The following SEPTIN7 variants were observed in gnomAD, a reference collection of about 807,000 sequenced individuals.
SEPTIN7 encodes the protein septin-7.
A neutral mutation model predicts 63.3 loss-of-function variants in SEPTIN7; 10 were observed. That is an observed-to-expected ratio of 0.16 (90% CI 0.10 to 0.27). The LOEUF (loss-of-function observed/expected upper bound fraction) is 0.27, where lower values mean the gene tolerates loss of function less well. Among genes scored for constraint, SEPTIN7 ranks in the 10% least tolerant of loss-of-function variants. SEPTIN7 has a pLI of 1.00. For synonymous variants in SEPTIN7, 131 were observed against 165.3 expected, an observed-to-expected ratio of 0.79 and a Z score of 1.59; for missense variants, 310 against 521.0, an observed-to-expected ratio of 0.59 and a Z score of 3.94.
chr7:35,831,708 G>C (rs1783842367), intron 2 of SEPTIN7: 1 of 231,384 alleles, frequency 4.3e-6, no homozygotes, highest in African/African-American at 2.4e-5. Flanking sequence ...TCATTTTAAT[G>C]GGCTTCGTTT....
At chr7:35,867,287 A>G (rs908245974) in intron 4 of SEPTIN7, among the ~76,000 whole-genome samples, 11 of 152,270 alleles carry the variant, frequency 7.2e-5, no homozygotes, top group African/African-American at 2.4e-4. Context: ...ATTGCTTACA[A>G]TGTTGTATGT....
chr7:35,818,609 T>A (rs1789230588), intron 1 of SEPTIN7, among the ~76,000 whole-genome samples: 1 of 152,016 alleles, frequency 6.6e-6, no homozygotes, highest in Non-Finnish European at 1.5e-5. Flanking sequence ...TGTTTTTGCC[T>A]TTTTGGGGTG....
At chr7:35,851,971 A>AC (rs972739340) in intron 3 of SEPTIN7, among the ~76,000 whole-genome samples, 3 of 151,890 alleles carry the variant, frequency 2.0e-5, no homozygotes, top group African/African-American at 7.3e-5. Flanking sequence ...CTTCTACTTT[A>AC]CCCCCCTGCA....
At chr7:35,871,912 A>T (rs1308369712) in intron 4 of SEPTIN7, among the ~76,000 whole-genome samples, 3 of 152,198 alleles carry the variant, frequency 2.0e-5, no homozygotes, top group Non-Finnish European at 4.4e-5. Flanking sequence ...GAATGATAAT[A>T]CATCTTCTGA....
intron 10 of SEPTIN7, chr7:35,888,757 T>C: frequency 4.3e-6 from 1 of 234,044 alleles, no homozygotes; most frequent in Non-Finnish European, 8.8e-6. Flanking sequence ...AAGGCAGAGA[T>C]TGTAGTGAGC....
chr7:35,876,978 A>T (rs1431112542), intron 6 of SEPTIN7, among the ~76,000 whole-genome samples: 2 of 151,934 alleles, frequency 1.3e-5, no homozygotes, highest in Non-Finnish European at 2.9e-5. Flanking sequence ...AAGAAAAAAA[A>T]ATTAGCTGGG....
intron 3 of SEPTIN7, among the ~76,000 whole-genome samples, chr7:35,846,121 A>G (rs1784655443): frequency 6.6e-6 from 1 of 151,924 alleles, no homozygotes; most frequent in Non-Finnish European, 1.5e-5. Context: ...AAATTTTGTT[A>G]TTTTTCTGCA....
intron 1 of SEPTIN7, among the ~76,000 whole-genome samples, chr7:35,818,235 ATGTGTTTGTTG>A (rs2115769188): frequency 6.6e-6 from 1 of 152,128 alleles, no homozygotes; most frequent in African/African-American, 2.4e-5. Flanking sequence ...TGAGATGATT[ATGTGTTTGTTG>A]TGTGTGGGTT....
intron 1 of SEPTIN7, among the ~76,000 whole-genome samples, 160 bp downstream of exon 1, chr7:35,801,430 C>A (rs1308978772): frequency 6.7e-6 from 1 of 150,334 alleles, no homozygotes; most frequent in Non-Finnish European, 1.5e-5. Context: ...GGCGCGGCAG[C>A]GGCGGGCTCG....
rs1047202784 is a variant in SEPTIN7, at chr7:35,811,962, AAAAC to A, written c.61+10700_61+10703del. 1.8e-3 allele frequency: 309 copies of A among 172,594 alleles called. 1 individual carries two copies. Among genetic ancestry groups the A allele is most frequent in the African/African-American group, 7.0e-3 (292 of 41,676 alleles). The allele number at this position is 172,594 out of a possible 1,614,324, so 10.7% of individuals were successfully genotyped here. A position where few individuals can be genotyped will look rare whatever the true frequency, so the allele number is the denominator to read the frequency against. On this transcript the variant is annotated intron_variant, in intron 1 of 13. Transcript: ENST00000350320. ...GCTTGAACGTTTCAAAAATAAACAA[AAAAC>A]AAACAAAAAAATTAGCCAGACATGG...
chr7:35,820,832 C>T (rs1789367721), intron 1 of SEPTIN7, among the ~76,000 whole-genome samples: 1 of 152,128 alleles, frequency 6.6e-6, no homozygotes, highest in African/African-American at 2.4e-5. Flanking sequence ...TGTGGCAGCT[C>T]TGGAAATCAG....
chr7:35,832,001 A>C, intron 2 of SEPTIN7: 1 of 394,032 alleles, frequency 2.5e-6, no homozygotes, highest in Middle Eastern at 5.3e-4. Context: ...TTATTCAAAT[A>C]GTCTTAACTA....
intron 1 of SEPTIN7, among the ~76,000 whole-genome samples, chr7:35,814,974 C>CAAAA (rs56795764): frequency 1.4e-4 from 3 of 22,010 alleles, no homozygotes; most frequent in Non-Finnish European, 3.1e-4. Context: ...GACTCCTTCT[C>CAAAA]AAAAAAAAAA....
chr7:35,865,067 A>G (rs1334504470), intron 4 of SEPTIN7, among the ~76,000 whole-genome samples: 1 of 151,938 alleles, frequency 6.6e-6, no homozygotes, highest in Non-Finnish European at 1.5e-5. Flanking sequence ...GAGATTTAAA[A>G]TTACCTGCAA....
chr7:35,863,771 G>C (rs1785647103), intron 4 of SEPTIN7, 113 bp downstream of exon 4: 1 of 524,272 alleles, frequency 1.9e-6, no homozygotes, highest in South Asian at 3.1e-5. Context: ...TTTGTCCTTA[G>C]CCAGTGTATG....
intron 1 of SEPTIN7, among the ~76,000 whole-genome samples, chr7:35,807,422 C>T (rs1788420186): frequency 7.1e-6 from 1 of 139,958 alleles, no homozygotes. Context: ...AGTGCAGTGG[C>T]GCGATCTCGG....
At chr7:35,827,980 A>T (rs1169198670) in intron 1 of SEPTIN7, among the ~76,000 whole-genome samples, 2 of 152,176 alleles carry the variant, frequency 1.3e-5, no homozygotes, top group East Asian at 3.8e-4. Context: ...AGATTTTTAA[A>T]ATATCTACTG....
At chr7:35,914,993 T>C in the SEPTIN7 span, among the ~76,000 whole-genome samples, 737 of 152,162 alleles carry the variant, frequency 4.8e-3, 3 homozygotes, top group Non-Finnish European at 7.6e-3. Flanking sequence ...CATGCGTGTG[T>C]ACACATATAA....
chr7:35,883,107 CTAATTCAATCATTACATA>C (rs559059789), intron 8 of SEPTIN7, among the ~76,000 whole-genome samples: 189 of 152,084 alleles, frequency 1.2e-3, no homozygotes, highest in African/African-American at 4.5e-3. Context: ...GCTAATTACC[CTAATTCAATCATTACATA>C]TTTGTATAAA....
Sources: gnomAD v4.1 joint callset for allele counts (sites outside exome capture counted in the v4.1 genomes callset) on GRCh38, gnomAD v4.1.1 for gene constraint, MANE v1.5 for transcripts, NCBI Gene and HGNC (gene_info 2026-07-23, HGNC 2026-07-21) for gene names.